Variants in CSGALNACT1 observed in about 807,000 individuals in gnomAD.
CSGALNACT1 encodes the protein chondroitin sulfate N-acetylgalactosaminyltransferase 1, also known as beta4GalNAcT-1.
CSGALNACT1 carries 52 observed loss-of-function variants against 51.0 expected under a neutral mutation model. That is an observed-to-expected ratio of 1.02 (90% CI 0.82 to 1.29). The LOEUF (loss-of-function observed/expected upper bound fraction) is 1.29. CSGALNACT1 is among the 50% of genes most tolerant of loss of function. CSGALNACT1 has a pLI of 0.00. For missense variants in CSGALNACT1, 935 were observed against 679.2 expected (o/e 1.38, Z -4.19); for synonymous variants, 341 against 254.4 (o/e 1.34, Z -3.24).
intron 3 of CSGALNACT1, among the ~76,000 whole-genome samples, chr8:19,558,403 A>C (rs539991806): frequency 1.1e-4 from 16 of 152,288 alleles, no homozygotes; most frequent in African/African-American, 3.9e-4. Context: ...ACTATTTTAG[A>C]AACTTCTTCT....
intron 5 of CSGALNACT1, among the ~76,000 whole-genome samples, chr8:19,445,010 C>T (rs1022815052): frequency 1.3e-5 from 2 of 152,210 alleles, no homozygotes; most frequent in Non-Finnish European, 2.9e-5. Context: ...AGAATTCTGT[C>T]TCTTTCTGGT....
chr8:19,427,834 G>A (rs1014494164), intron 6 of CSGALNACT1, among the ~76,000 whole-genome samples: 2 of 152,050 alleles, frequency 1.3e-5, no homozygotes, highest in South Asian at 2.1e-4. Context: ...TTAACACCAT[G>A]CCAAGCCCTC....
chr8:19,441,639 G>A lies in CSGALNACT1; in HGVS notation c.852-1708C>T, dbSNP rs367639572. ...CCCTAGAAGAAAACCTAGACAATAC[G>A]ATTCAGGACATAGGCATGGGCAAGG... On this transcript the variant is annotated intron_variant, in intron 5 of 9. Transcript: ENST00000454498. Among the ~76,000 whole-genome samples the A allele has an allele frequency of 3.9e-5, 6 of 152,222 alleles. 1 individual carries two copies. In the East Asian group the frequency reaches 7.7e-4, roughly 20 times the overall value.
intron 3 of CSGALNACT1, among the ~76,000 whole-genome samples, chr8:19,564,681 C>G (rs1214826968): frequency 2.6e-5 from 4 of 152,234 alleles, no homozygotes; most frequent in African/African-American, 9.6e-5. Context: ...AAAATCACCT[C>G]CTTCAAGAGG....
chr8:19,545,030 C>G (rs1028423580), intron 3 of CSGALNACT1, among the ~76,000 whole-genome samples: 2 of 151,880 alleles, frequency 1.3e-5, no homozygotes, highest in Non-Finnish European at 2.9e-5. Flanking sequence ...TAACTTAGCT[C>G]CAAAGACCAG....
intron 1 of CSGALNACT1, among the ~76,000 whole-genome samples, chr8:19,631,888 G>T (rs2055312900): frequency 6.6e-6 from 1 of 152,174 alleles, no homozygotes; most frequent in African/African-American, 2.4e-5. Context: ...GCAGGGAGGG[G>T]CCTGGCATTT....
intron 3 of CSGALNACT1, among the ~76,000 whole-genome samples, chr8:19,589,681 C>T (rs181053799): frequency 4.6e-5 from 7 of 152,238 alleles, no homozygotes; most frequent in Non-Finnish European, 1.0e-4. Context: ...TTAAAATAAT[C>T]TTATCAACTA....
chr8:19,632,638 A>G (rs140343710), intron 1 of CSGALNACT1, among the ~76,000 whole-genome samples: 2 of 152,252 alleles, frequency 1.3e-5, no homozygotes, highest in African/African-American at 2.4e-5. Context: ...AACATCGAAC[A>G]TAAGAAACTT....
chr8:19,616,672 TC>T (rs1434776305), intron 1 of CSGALNACT1, among the ~76,000 whole-genome samples: 1 of 151,128 alleles, frequency 6.6e-6, no homozygotes, highest in Non-Finnish European at 1.5e-5. Context: ...GTGTGGTACC[TC>T]CCCCCTCATT....
At chr8:19,642,838 A>G (rs1443739003) in intron 1 of CSGALNACT1, among the ~76,000 whole-genome samples, 1 of 152,028 alleles carries the variant, frequency 6.6e-6, no homozygotes, top group Non-Finnish European at 1.5e-5. Flanking sequence ...TTATTCAACA[A>G]CAACAAAAAA....
At chr8:19,463,181 C>T (rs1401339808) in intron 4 of CSGALNACT1, among the ~76,000 whole-genome samples, 1 of 152,184 alleles carries the variant, frequency 6.6e-6, no homozygotes, top group Non-Finnish European at 1.5e-5. Context: ...GTGTAGTACT[C>T]CATGGTATAC....
intron 3 of CSGALNACT1, among the ~76,000 whole-genome samples, chr8:19,545,266 G>C (rs997278351): frequency 2.0e-5 from 3 of 152,176 alleles, no homozygotes; most frequent in East Asian, 1.9e-4. Flanking sequence ...GGATGTCCTT[G>C]TGGTTGAGCA....
chr8:19,452,166 G>A (rs963669340), intron 5 of CSGALNACT1, among the ~76,000 whole-genome samples: 3 of 152,194 alleles, frequency 2.0e-5, no homozygotes, highest in African/African-American at 4.8e-5. Context: ...AGCTTCCTGT[G>A]GCTCCTGGCC....
intron 1 of CSGALNACT1, among the ~76,000 whole-genome samples, chr8:19,723,439 T>C (rs2063233341): frequency 6.6e-6 from 1 of 152,192 alleles, no homozygotes; most frequent in Admixed American, 6.5e-5. Flanking sequence ...AAGGTACCAT[T>C]CTGAAAAAAG....
At chr8:19,569,508 C>A (rs1433870027) in intron 3 of CSGALNACT1, among the ~76,000 whole-genome samples, 1 of 148,464 alleles carries the variant, frequency 6.7e-6, no homozygotes, top group Non-Finnish European at 1.5e-5. Context: ...TATCTGAGTT[C>A]TGGAGATGAA....
chr8:19,431,776 C>G (rs958097214), intron 6 of CSGALNACT1, among the ~76,000 whole-genome samples: 1 of 151,160 alleles, frequency 6.6e-6, no homozygotes, highest in African/African-American at 2.4e-5. Flanking sequence ...AAATCAGCAG[C>G]GAAGCCTGGG....
intron 3 of CSGALNACT1, among the ~76,000 whole-genome samples, chr8:19,524,820 A>G (rs2975494): frequency 0.79 from 119,601 of 152,040 alleles, 47,371 homozygotes; most frequent in East Asian, 0.85. Context: ...ACAGACATAA[A>G]CAAGAACATA....
intron 3 of CSGALNACT1, among the ~76,000 whole-genome samples, chr8:19,583,008 G>T (rs531756495): frequency 6.6e-6 from 1 of 152,098 alleles, no homozygotes; most frequent in Non-Finnish European, 1.5e-5. Flanking sequence ...TTAGACCACT[G>T]ACAACCACTG....
intron 2 of CSGALNACT1, among the ~76,000 whole-genome samples, chr8:19,597,910 A>G (rs1490069060): frequency 6.6e-6 from 1 of 152,236 alleles, no homozygotes; most frequent in Non-Finnish European, 1.5e-5. Flanking sequence ...ACCAGTAAAT[A>G]ATTATGAACA....
Sources: allele counts gnomAD v4.1 joint callset (sites outside exome capture counted in the v4.1 genomes callset), GRCh38; gene constraint gnomAD v4.1.1; transcripts MANE v1.5; gene names NCBI Gene and HGNC (gene_info 2026-07-23, HGNC 2026-07-21).